The following PMFBP1 variants were observed in gnomAD, a reference collection of about 807,000 sequenced individuals.
The protein encoded by PMFBP1 is polyamine-modulated factor 1-binding protein 1.
Under a neutral mutation model 137.8 loss-of-function variants are expected in PMFBP1, and 131 were observed. That is an observed-to-expected ratio of 0.95 (90% CI 0.82 to 1.10). The LOEUF (loss-of-function observed/expected upper bound fraction) is 1.10. PMFBP1 is among the 50% of genes least tolerant of loss of function. The pLI is 0.00. For synonymous variants in PMFBP1, 490 were observed against 450.4 expected, an observed-to-expected ratio of 1.09 and a Z score of -1.11; for missense variants, 1,199 against 1,175.4, an observed-to-expected ratio of 1.02 and a Z score of -0.29.
intron 7 of PMFBP1, among the ~76,000 whole-genome samples, chr16:72,137,807 G>T (rs2042655930): frequency 6.6e-6 from 1 of 152,150 alleles, no homozygotes; most frequent in Non-Finnish European, 1.5e-5. Flanking sequence ...GGATATTGGG[G>T]AGAGTTATTT....
At chr16:72,171,322 T>A in intron 1 of PMFBP1, 54 bp from the exon 2 acceptor site, 1 of 1,260,310 alleles carries the variant, frequency 7.9e-7, no homozygotes. Flanking sequence ...CCTCTGCCCT[T>A]TAAAGATTTT....
rs899563211 is a variant in PMFBP1 at position 72,150,708 on chromosome 16, T to C, written c.536A>G (p.Asn179Ser). 4.3e-6 allele frequency: 7 copies of C among 1,614,006 alleles called. No individual in the cohort carries two copies. The highest frequency in any genetic ancestry group is 5.1e-6 in the Non-Finnish European group (6 of 1,180,002). Residue 179 changes from asparagine to serine, a missense_variant, in exon 5 of 21, where the codon AAC becomes AGC. Coordinates refer to ENST00000237353, the MANE Select transcript of PMFBP1 (RefSeq NM_031293.3). ...AGACTGGTATTTATCCCTGTAGAGG[T>C]TTAAGCTCCTCTCTAGAGAGGCGAT... ...DKIASLERSL[N>S]LYRDKYQSSL...
chr16:72,210,037 T>C, the PMFBP1 span, among the ~76,000 whole-genome samples: 1 of 152,198 alleles, frequency 6.6e-6, no homozygotes, highest in Non-Finnish European at 1.5e-5. Flanking sequence ...TTTGGGCACC[T>C]TTCCTTGCTT....
At chr16:72,135,359 GTTTTT>G (rs869071984) in intron 9 of PMFBP1, among the ~76,000 whole-genome samples, 2 of 131,432 alleles carry the variant, frequency 1.5e-5, no homozygotes, top group Non-Finnish European at 3.4e-5. Flanking sequence ...GTGTGTGTGT[GTTTTT>G]TTTTTTTTTT....
intron 7 of PMFBP1, 127 bp downstream of exon 7, chr16:72,139,162 C>A: frequency 1.4e-6 from 1 of 711,946 alleles, no homozygotes; most frequent in Non-Finnish European, 2.3e-6. Flanking sequence ...GCAGGGCCAA[C>A]CAAGCTCACA....
Position 72,122,922 on chromosome 16 carries a change from G to A in PMFBP1, c.2760C>T (p.Gly920=), listed in dbSNP as rs199780184. 6.8e-6 allele frequency: 11 copies of A among 1,612,772 alleles called. No individual in the cohort carries two copies. The highest frequency in any genetic ancestry group is 4.0e-5 in the African/African-American group (3 of 74,854). Residue 920 remains glycine (G), a synonymous_variant, in exon 19 of 21, where the codon GGC becomes GGT. Coordinates refer to ENST00000237353, the MANE Select transcript of PMFBP1 (RefSeq NM_031293.3). The part of the protein sequence containing the change: ...EQVKYIAKLS[G]EKDHLHSVMV... ...GGTTTAAGATGACTTACTCCTTTTC[G>A]CCACTCAGCTTGGCAATGTATTTCA...
chr16:72,128,421 A>T (rs1597461717), intron 14 of PMFBP1: 1 of 1,469,540 alleles, frequency 6.8e-7, no homozygotes, highest in East Asian at 2.6e-5. Flanking sequence ...CCAAAGCCCA[A>T]ATAGCTTGGG....
At chr16:72,223,452 C>G in the PMFBP1 span, among the ~76,000 whole-genome samples, 14 of 152,186 alleles carry the variant, frequency 9.2e-5, no homozygotes, top group Non-Finnish European at 2.1e-4. Context: ...CAAGTGGGTA[C>G]TCAGCTGGCT....
chr16:72,150,446 T>G (rs2042884143), intron 5 of PMFBP1, among the ~76,000 whole-genome samples, 162 bp downstream of exon 5: 1 of 152,150 alleles, frequency 6.6e-6, no homozygotes, highest in South Asian at 2.1e-4. Context: ...ATAGGATATG[T>G]GAAAGCTGGA....
At chr16:72,153,413 A>G (rs1375118022) in intron 4 of PMFBP1, among the ~76,000 whole-genome samples, 4 of 152,178 alleles carry the variant, frequency 2.6e-5, no homozygotes, top group African/African-American at 9.7e-5. Context: ...CCGTCCTTCC[A>G]ATAGAACCTA....
chr16:72,230,378 A>C, the PMFBP1 span, among the ~76,000 whole-genome samples: 1 of 152,166 alleles, frequency 6.6e-6, no homozygotes. Context: ...GATGACTCTA[A>C]GACACTTTAA....
At chr16:72,187,112 CA>C in the PMFBP1 span, among the ~76,000 whole-genome samples, 20,545 of 112,790 alleles carry the variant, frequency 0.18, 1,695 homozygotes, top group Non-Finnish European at 0.22. Context: ...GACTCCATCT[CA>C]AAAAAAAAAA....
Position 72,154,479 on chromosome 16 carries a change from T to C in PMFBP1, c.166-20A>G. 1 of 1,607,656 alleles carries C rather than the reference T, an allele frequency of 6.2e-7. No homozygotes were observed. The highest frequency in any genetic ancestry group is 1.1e-5 in the South Asian group (1 of 90,592). On this transcript the variant is annotated intron_variant, in intron 3 of 20. Transcript: ENST00000237353. The stretch of plus-strand genomic sequence containing the variant: ...CTTGTCCTACCATAGAGACAGGATA[T>C]ACAAAAAAGGCTTTAGATCATCACT...
the PMFBP1 span, among the ~76,000 whole-genome samples, chr16:72,238,910 A>G: frequency 6.6e-6 from 1 of 152,084 alleles, no homozygotes; most frequent in African/African-American, 2.4e-5. Context: ...GGATGGTGCT[A>G]AACATCCTAA....
At chr16:72,223,419 G>A in the PMFBP1 span, among the ~76,000 whole-genome samples, 2 of 152,208 alleles carry the variant, frequency 1.3e-5, no homozygotes, top group Admixed American at 6.5e-5. Flanking sequence ...CAAGGCTCTT[G>A]TAACCCAGAA....
At chr16:72,122,743 G>C (rs921561854) in intron 19 of PMFBP1, among the ~76,000 whole-genome samples, 171 bp downstream of exon 19, 1 of 152,198 alleles carries the variant, frequency 6.6e-6, no homozygotes, top group Admixed American at 6.5e-5. Context: ...GAGAGGTCAA[G>C]TGATATACCC....
At chr16:72,180,068 G>T (rs2043271019), upstream of PMFBP1, among the ~76,000 whole-genome samples, 2 of 152,154 alleles carry the variant, frequency 1.3e-5, no homozygotes, top group African/African-American at 2.4e-5. Context: ...TTCTACAGGG[G>T]TCCTTTCCCG....
In PMFBP1 at chr16:72,130,208, C is replaced by T. The variant is rs1213956981; in HGVS notation, c.1782+5G>A. ...TTGAATGGGCCATCTGCCTGCCCGTCATACCTGGTGCTTGATACGATCAAG... is the reference window on the plus strand; with the variant it reads ...TTGAATGGGCCATCTGCCTGCCCGTTATACCTGGTGCTTGATACGATCAAG... On this transcript the variant is annotated splice_donor_5th_base_variant and intron_variant, in intron 12 of 20. Coordinates refer to ENST00000237353, the MANE Select transcript of PMFBP1 (RefSeq NM_031293.3). 1 of 1,611,906 alleles carries T rather than the reference C, an allele frequency of 6.2e-7. No individual in the cohort carries two copies. The highest frequency in any genetic ancestry group is 1.7e-5 in the Admixed American group (1 of 60,010).
At chr16:72,201,180 A>G in the PMFBP1 span, among the ~76,000 whole-genome samples, 1 of 151,694 alleles carries the variant, frequency 6.6e-6, no homozygotes, top group Non-Finnish European at 1.5e-5. Flanking sequence ...TTTAACAGTG[A>G]CCTGGAGGGG....
Sources: allele counts gnomAD v4.1 joint callset (sites outside exome capture counted in the v4.1 genomes callset), GRCh38; gene constraint gnomAD v4.1.1; transcripts MANE v1.5; gene names NCBI Gene and HGNC (gene_info 2026-07-23, HGNC 2026-07-21).